Variants in CACNA1A observed in about 807,000 individuals in gnomAD.
CACNA1A encodes voltage-dependent P/Q-type calcium channel subunit alpha-1A.
In CACNA1A, 57 loss-of-function variants were observed where a neutral mutation model predicts 262.4. That is an observed-to-expected ratio of 0.22 (90% CI 0.18 to 0.27). The LOEUF is 0.27. Ranked by LOEUF, CACNA1A falls within the 10% of genes least tolerant of loss-of-function variation. CACNA1A has a pLI of 1.00. For synonymous variants in CACNA1A, 1,431 were observed against 1,419.3 expected (o/e 1.01, Z -0.18); for missense variants, 2,526 against 3,562.8 (o/e 0.71, Z 7.41).
At chr19:13,365,524 C>T (rs748656604) in intron 4 of CACNA1A, 55 bp from the exon 5 acceptor site, 10 of 1,537,658 alleles carry the variant, frequency 6.5e-6, no homozygotes, top group Non-Finnish European at 8.9e-6. Flanking sequence ...CCCCCAAACC[C>T]CGCCACCAAG....
intron 1 of CACNA1A, among the ~76,000 whole-genome samples, chr19:13,487,729 G>C (rs1408362823): frequency 6.6e-6 from 1 of 151,532 alleles, no homozygotes; most frequent in Admixed American, 6.6e-5. Context: ...TAAGGCTGCT[G>C]ACCTCATTTT....
intron 5 of CACNA1A, chr19:13,364,230 G>A (rs1048305488): frequency 6.7e-6 from 1 of 148,658 alleles, no homozygotes; most frequent in African/African-American, 2.6e-5. Flanking sequence ...CTGGGGGTTG[G>A]GGGAGACCAG....
At chr19:13,227,706 C>A (rs1290373553) in intron 36 of CACNA1A, 179 bp from the exon 37 acceptor site, 8 of 336,630 alleles carry the variant, frequency 2.4e-5, no homozygotes, top group South Asian at 2.2e-4. Context: ...TATTTCAAAT[C>A]AATGGAAAAG....
In CACNA1A at chr19:13,337,803, G is replaced by T. The variant is rs947940266; in HGVS notation, c.979-1894C>A. On this transcript the variant is annotated intron_variant, in intron 6 of 46. Transcript: ENST00000360228. ...GGAGTGTACTTACACAAACCTAGAT[G>T]GTATAGCCTACTACACACCTAGGCT... 7.2e-5 allele frequency among the ~76,000 whole-genome samples: 11 copies of T among 152,290 alleles called. No individual in the cohort carries two copies. The East Asian group carries it at 2.1e-3, about 29-fold the overall frequency.
intron 1 of CACNA1A, among the ~76,000 whole-genome samples, chr19:13,476,368 G>A (rs137995017): frequency 4.6e-5 from 7 of 152,278 alleles, no homozygotes; most frequent in Admixed American, 6.5e-5. Context: ...CTAGAGCAGG[G>A]ATTCTGGAAG....
intron 3 of CACNA1A, among the ~76,000 whole-genome samples, chr19:13,434,607 C>A (rs910726964): frequency 7.2e-5 from 11 of 151,950 alleles, no homozygotes; most frequent in African/African-American, 2.4e-4. Flanking sequence ...CTCTCTTCCT[C>A]CTGTTCTGGC....
intron 10 of CACNA1A, among the ~76,000 whole-genome samples, 183 bp from the exon 11 acceptor site, chr19:13,317,504 C>G (rs1215338667): frequency 6.6e-6 from 1 of 152,208 alleles, no homozygotes; most frequent in Non-Finnish European, 1.5e-5. Flanking sequence ...TATGAGAAGA[C>G]AGTGCCCCTG....
At chr19:13,300,485 CTG>C (rs1366553694) in intron 18 of CACNA1A, 63 bp downstream of exon 18, 1 of 1,156,360 alleles carries the variant, frequency 8.6e-7, no homozygotes, top group African/African-American at 1.5e-5. Flanking sequence ...CTTCCCAAAT[CTG>C]TGCCTGGGAT....
At chr19:13,367,291 T>C (rs1423354511) in intron 4 of CACNA1A, among the ~76,000 whole-genome samples, 4 of 88,458 alleles carry the variant, frequency 4.5e-5, no homozygotes, top group African/African-American at 2.3e-4. Flanking sequence ...CAAGACTCTG[T>C]CTCAAAAAAA....
rs1210741272 is a variant in CACNA1A at position 13,308,819 on chromosome 19, G to A, written c.1669-291C>T. 2 of 245,332 alleles carry A rather than the reference G, an allele frequency of 8.2e-6. No individual in the cohort carries two copies. Among genetic ancestry groups the A allele is most frequent in the Non-Finnish European group, 1.6e-5 (2 of 128,270 alleles). 15.2% of individuals were successfully genotyped at this position (245,332 alleles called of 1,614,324 possible). A position where few individuals can be genotyped will look rare whatever the true frequency, so the allele number is the denominator to read the frequency against. On this transcript the variant is annotated intron_variant, in intron 12 of 46. Transcript: ENST00000360228. The surrounding 1 kb of genome is among the most constrained non-coding windows in gnomAD (Gnocchi z 4.2). ...AGCCTCTTGAGTAGCTGGGATTACA[G>A]GTGTGCCCCACCACATCTGGCTAAT...
intron 19 of CACNA1A, among the ~76,000 whole-genome samples, chr19:13,289,298 C>T (rs752779792): frequency 7.2e-5 from 11 of 152,096 alleles, no homozygotes; most frequent in East Asian, 1.9e-4. Flanking sequence ...CCTGCCACCA[C>T]GCCTGGCTAA....
At chr19:13,239,967 A>G (rs1488474903) in intron 31 of CACNA1A, among the ~76,000 whole-genome samples, 1 of 152,004 alleles carries the variant, frequency 6.6e-6, no homozygotes, top group Non-Finnish European at 1.5e-5. Flanking sequence ...CCTGGCCAAC[A>G]TGGTGAAACC....
At position 13,303,825 on chromosome 19, in the gene CACNA1A, G is replaced by A. The variant is rs535077726; in HGVS notation, c.2046C>T (p.Gly682=). Residue 682 remains glycine, a synonymous_variant, in exon 16 of 47, where the codon GGC becomes GGT. Coordinates refer to ENST00000360228, the MANE Select transcript of CACNA1A (RefSeq NM_001127222.2). ...VMYDGIKSQG[G]VQGGMVFSIY... ...TGGAGAACACCATGCCGCCCTGCAC[G>A]CCCCCCTGAGACTTGATCCCGTCGT... The A allele has an allele frequency of 4.1e-5, 66 of 1,613,522 alleles. No individual in the cohort carries two copies. Among genetic ancestry groups the A allele is most frequent in the African/African-American group, 1.7e-4 (13 of 74,968 alleles).
intron 1 of CACNA1A, among the ~76,000 whole-genome samples, chr19:13,486,633 G>A (rs1485639798): frequency 6.6e-6 from 1 of 152,002 alleles, no homozygotes. Context: ...ATAATAAGAT[G>A]GTCAAGGATA....
chr19:13,379,129 C>T (rs753366073), intron 3 of CACNA1A, among the ~76,000 whole-genome samples: 4 of 151,956 alleles, frequency 2.6e-5, no homozygotes, highest in East Asian at 3.9e-4. Context: ...CACAGGCATG[C>T]GTCACCATAC....
chr19:13,359,202 G>C (rs537827065), intron 6 of CACNA1A, among the ~76,000 whole-genome samples: 1 of 152,180 alleles, frequency 6.6e-6, no homozygotes, highest in South Asian at 2.1e-4. Context: ...CTCATCCCAC[G>C]GGGAGTGGTA....
At chr19:13,352,108 T>C (rs928227494) in intron 6 of CACNA1A, among the ~76,000 whole-genome samples, 1 of 152,196 alleles carries the variant, frequency 6.6e-6, no homozygotes, top group South Asian at 2.1e-4. Context: ...CGAGACCTTC[T>C]TCTTTCTCCC....
chr19:13,364,353 TTC>T (rs1241101445), intron 5 of CACNA1A: 2 of 152,264 alleles, frequency 1.3e-5, no homozygotes. Context: ...GCCTGGAATC[TTC>T]TCTGTCTCTC....
rs2054713924 is a variant in CACNA1A, at chr19:13,209,323, T to C, written c.6515A>G (p.Asp2172Gly). Residue 2172 changes from aspartate to glycine, a missense_variant, in exon 45 of 47, where the codon GAT (aspartate) becomes GGT (glycine). Coordinates refer to ENST00000360228, the MANE Select transcript of CACNA1A (RefSeq NM_001127222.2). ...ASERSLGRYT[D>G]VDTGLGTDLS... ...ACAGGGCTGCCCACCTGTGTCCACA[T>C]CGGTGTAGCGGCCCAGGGAGCGCTC... The C allele has an allele frequency of 7.1e-7, 1 of 1,405,314 alleles. No individual in the cohort carries two copies. Among genetic ancestry groups the C allele is most frequent in the Non-Finnish European group, 9.3e-7 (1 of 1,075,886 alleles). The allele number at this position is 1,405,314 out of a possible 1,614,324, so 87.1% of individuals were successfully genotyped here.
Sources: allele counts gnomAD v4.1 joint callset (sites outside exome capture counted in the v4.1 genomes callset), GRCh38; gene constraint gnomAD v4.1.1; non-coding constraint Gnocchi (gnomAD v3.1); transcripts MANE v1.5; gene names NCBI Gene and HGNC (gene_info 2026-07-23, HGNC 2026-07-21).